Variants in COLGALT2 observed in about 807,000 individuals in gnomAD.
The protein encoded by COLGALT2 is procollagen galactosyltransferase 2.
A neutral mutation model predicts 73.4 loss-of-function variants in COLGALT2; 49 were observed. That is an observed-to-expected ratio of 0.67 (90% confidence interval 0.53 to 0.85). The LOEUF (loss-of-function observed/expected upper bound fraction) is 0.85, where lower values mean the gene tolerates loss of function less well. COLGALT2 is among the 40% of genes least tolerant of loss of function. The pLI, the probability that COLGALT2 is intolerant of heterozygous loss-of-function variation, is 0.00. For synonymous variants in COLGALT2, 295 were observed against 307.6 expected, an observed-to-expected ratio of 0.96 and a Z score of 0.43; for missense variants, 722 against 790.2, an observed-to-expected ratio of 0.91 and a Z score of 1.03.
intron 1 of COLGALT2, among the ~76,000 whole-genome samples, chr1:183,990,630 A>G (rs1294614295): frequency 6.6e-6 from 1 of 152,206 alleles, no homozygotes; most frequent in Non-Finnish European, 1.5e-5. Context: ...AGAGGCTTGA[A>G]TTGGGATTTG....
chr1:184,018,759 T>C (rs1649084578), intron 1 of COLGALT2, among the ~76,000 whole-genome samples: 2 of 152,200 alleles, frequency 1.3e-5, no homozygotes, highest in Admixed American at 6.5e-5. Flanking sequence ...TAAATGAATA[T>C]ACAATCTTTC....
At position 183,944,206 on chromosome 1, in the gene COLGALT2, A is replaced by G; in HGVS notation, c.1387T>C (p.Trp463Arg). 1 of 1,612,404 alleles carries G rather than the reference A, an allele frequency of 6.2e-7. No homozygotes were observed. Among genetic ancestry groups the G allele is most frequent in the Non-Finnish European group, 8.5e-7 (1 of 1,179,462 alleles). ...MDNIDQAQLDWELIYIGRKRM... is the reference protein window; with the variant it reads ...MDNIDQAQLDRELIYIGRKRM... Reference sequence around the variant, plus strand: ...CATCTTGTCACTCACATCAGTTCCCAGTCCAGCTGAGCCTGGTCAATGTTA... The same window carrying G: ...CATCTTGTCACTCACATCAGTTCCCGGTCCAGCTGAGCCTGGTCAATGTTA... The change falls in exon 10 of 12, where the codon TGG becomes CGG. Residue 463 changes from tryptophan to arginine, a missense_variant. Transcript: ENST00000361927.
At chr1:183,958,060 G>C (rs537582346) in intron 6 of COLGALT2, among the ~76,000 whole-genome samples, 60 of 152,030 alleles carry the variant, frequency 3.9e-4, no homozygotes, top group African/African-American at 1.4e-3. Flanking sequence ...TATAAGATCT[G>C]GCCTCCTGTC....
chr1:184,010,414 G>A (rs541135884), intron 1 of COLGALT2, among the ~76,000 whole-genome samples: 1 of 152,314 alleles, frequency 6.6e-6, no homozygotes, highest in Non-Finnish European at 1.5e-5. Flanking sequence ...CCTCACTAAA[G>A]AGTCTGGCAG....
intron 1 of COLGALT2, among the ~76,000 whole-genome samples, chr1:183,990,925 T>C (rs748797010): frequency 1.3e-4 from 20 of 152,254 alleles, no homozygotes; most frequent in Non-Finnish European, 2.5e-4. Context: ...TGGTTTATAA[T>C]TCTCTGAAAT....
At chr1:183,993,980 G>C (rs996299007) in intron 1 of COLGALT2, among the ~76,000 whole-genome samples, 7 of 142,546 alleles carry the variant, frequency 4.9e-5, no homozygotes, top group South Asian at 2.3e-4. Flanking sequence ...TAGCACTCAA[G>C]ACAAGGATTC....
At chr1:184,036,615 C>A (rs545249045) in intron 1 of COLGALT2, among the ~76,000 whole-genome samples, 59 of 152,344 alleles carry the variant, frequency 3.9e-4, no homozygotes, top group Admixed American at 1.6e-3. Flanking sequence ...CGCACTGCGG[C>A]GCCCCAGCCA....
At chr1:184,026,621 G>C (rs1487900004) in intron 1 of COLGALT2, among the ~76,000 whole-genome samples, 1 of 152,174 alleles carries the variant, frequency 6.6e-6, no homozygotes, top group East Asian at 1.9e-4. Context: ...GAAGACACCA[G>C]GGTTAGGGAC....
At chr1:183,988,308 A>G (rs893304676) in intron 1 of COLGALT2, among the ~76,000 whole-genome samples, 13 of 152,220 alleles carry the variant, frequency 8.5e-5, no homozygotes, top group African/African-American at 3.1e-4. Context: ...TTGCGCAGCA[A>G]CTAAGACATG....
intron 1 of COLGALT2, among the ~76,000 whole-genome samples, chr1:184,035,029 A>C (rs769396870): frequency 1.3e-5 from 2 of 152,254 alleles, no homozygotes; most frequent in African/African-American, 2.4e-5. Flanking sequence ...AAGAGTCTTC[A>C]ATGACTGACG....
intron 1 of COLGALT2, among the ~76,000 whole-genome samples, chr1:184,021,279 G>T (rs1649174261): frequency 6.6e-6 from 1 of 152,152 alleles, no homozygotes; most frequent in South Asian, 2.1e-4. Context: ...TTTGAAGAAA[G>T]TATGAATTTC....
chr1:183,960,072 C>T (rs138846910), intron 6 of COLGALT2, among the ~76,000 whole-genome samples: 3 of 152,258 alleles, frequency 2.0e-5, no homozygotes, highest in African/African-American at 4.8e-5. Context: ...CTGCTTTATG[C>T]CCAGCATCTT....
At position 183,937,648 on chromosome 1, in the gene COLGALT2, T is replaced by A. The variant is rs1385952694; in HGVS notation, c.*1113A>T. 4.1e-6 allele frequency: 4 copies of A among 985,250 alleles called. No homozygotes were observed. The highest frequency in any genetic ancestry group is 1.7e-5 in the African/African-American group (1 of 57,212). The allele number at this position is 985,250 out of a possible 1,614,324, so 61.0% of individuals were successfully genotyped here. A position where few individuals can be genotyped will look rare whatever the true frequency, so the allele number is the denominator to read the frequency against. On this transcript the variant is annotated 3_prime_UTR_variant, in exon 12 of 12. Transcript: ENST00000361927. The stretch of plus-strand genomic sequence containing the variant: ...AGCCTGGCTGGGAAATTCAGGAGAA[T>A]CAGATTGCCGAACCAATGTGTCCAC...
chr1:184,037,321 G>A lies in COLGALT2; in HGVS notation c.37C>T (p.Leu13=). The change falls in exon 1 of 12, where the codon CTA becomes TTA. Residue 13 remains leucine, a synonymous_variant. Transcript: ENST00000361927. The stretch of plus-strand genomic sequence containing the variant: ...AGCAGGGCTGAGGAGAGGAGCAGTA[G>A]CGACCAGGCGAGGGTGGCAGCAGGG... ...ARPAATLAWS[L]LLLSSALLRE... 1 of 1,509,584 alleles carries A rather than the reference G, an allele frequency of 6.6e-7. No individual in the cohort carries two copies. The highest frequency in any genetic ancestry group is 8.9e-7 in the Non-Finnish European group (1 of 1,129,854). 93.5% of individuals were successfully genotyped at this position (1,509,584 alleles called of 1,614,324 possible). A position where few individuals can be genotyped will look rare whatever the true frequency, so the allele number is the denominator to read the frequency against.
At chr1:183,945,300 G>A in intron 9 of COLGALT2, 132 bp downstream of exon 9, 1 of 1,087,808 alleles carries the variant, frequency 9.2e-7, no homozygotes, top group Non-Finnish European at 1.3e-6. Context: ...GAGACACAAG[G>A]CAGGAGCAGC....
intron 1 of COLGALT2, among the ~76,000 whole-genome samples, chr1:184,015,205 G>A (rs1009491992): frequency 6.6e-6 from 1 of 152,220 alleles, no homozygotes; most frequent in Non-Finnish European, 1.5e-5. Context: ...AGTATCAAGA[G>A]GGTCTTAAAG....
At chr1:183,998,103 C>T (rs534981960) in intron 1 of COLGALT2, among the ~76,000 whole-genome samples, 41 of 152,212 alleles carry the variant, frequency 2.7e-4, no homozygotes, top group African/African-American at 9.6e-4. Flanking sequence ...GTAGTTGCAC[C>T]AATTGATAGT....
chr1:183,970,388 C>A (rs1220588632), intron 4 of COLGALT2, among the ~76,000 whole-genome samples: 1 of 152,202 alleles, frequency 6.6e-6, no homozygotes, highest in Non-Finnish European at 1.5e-5. Context: ...AAAGCCAGCA[C>A]TCCGAAGGGC....
chr1:183,939,364 G>A (rs182809932), intron 11 of COLGALT2, among the ~76,000 whole-genome samples: 57 of 152,292 alleles, frequency 3.7e-4, no homozygotes, highest in African/African-American at 1.3e-3. Context: ...CACCAAAAAT[G>A]CCCTGCTTTG....
Sources: gnomAD v4.1 joint callset for allele counts (sites outside exome capture counted in the v4.1 genomes callset) on GRCh38, gnomAD v4.1.1 for gene constraint, MANE v1.5 for transcripts, NCBI Gene and HGNC (gene_info 2026-07-23, HGNC 2026-07-21) for gene names.